The following CDC42BPB variants were observed in gnomAD, a reference collection of about 807,000 sequenced individuals.
CDC42BPB encodes serine/threonine-protein kinase MRCK beta.
CDC42BPB carries 37 observed loss-of-function variants against 214.9 expected under a neutral mutation model. The ratio of observed to expected loss-of-function variants is 0.17; its 90% CI spans 0.13 to 0.23. CDC42BPB has a LOEUF of 0.23. Among genes scored for constraint, CDC42BPB ranks in the 10% least tolerant of loss-of-function variants. The pLI is 1.00. For missense variants in CDC42BPB, 1,694 were observed against 2,227.0 expected, an observed-to-expected ratio of 0.76 and a Z score of 4.82; for synonymous variants, 931 against 884.0, an observed-to-expected ratio of 1.05 and a Z score of -0.94.
intron 5 of CDC42BPB, among the ~76,000 whole-genome samples, chr14:102,992,120 G>C (rs938564517): frequency 3.0e-4 from 46 of 152,298 alleles, no homozygotes; most frequent in African/African-American, 1.0e-3. Context: ...GATGAGGGGT[G>C]GTGACCCCTG....
intron 7 of CDC42BPB, 45 bp from the exon 8 acceptor site, chr14:102,981,066 A>G (rs1300144302): frequency 1.2e-6 from 2 of 1,612,592 alleles, no homozygotes; most frequent in African/African-American, 2.7e-5. Flanking sequence ...GGACGCATTC[A>G]GAGAGTTTAA....
Position 102,974,083 on chromosome 14 carries a change from G to A in CDC42BPB, c.1574C>T (p.Thr525Met), listed in dbSNP as rs761707317. ...CTTCTCCAGCCCCCGCAGCCGCTGC[G>A]TGGAGTCCTCACGCTCTTGGCGAAG... The part of the protein sequence containing the change: ...VALRQEREDS[T>M]QRLRGLEKQH... The change falls in exon 12 of 37, where the codon ACG becomes ATG. Residue 525 changes from threonine (T) to methionine (M), a missense_variant. By Grantham distance (81) the Thr-to-Met change is moderately conservative. Around this residue, in one of 7 missense-constraint regions of CDC42BPB, gnomAD observed 462 missense variants for 513.5 expected, o/e 0.90. Transcript: ENST00000361246. 29 of 1,613,934 alleles carry A rather than the reference G, an allele frequency of 1.8e-5. No individual in the cohort carries two copies. Among genetic ancestry groups the A allele is most frequent in the South Asian group, 5.5e-5 (5 of 91,058 alleles).
At chr14:103,000,946 C>T (rs1241361292) in intron 4 of CDC42BPB, among the ~76,000 whole-genome samples, 2 of 152,244 alleles carry the variant, frequency 1.3e-5, no homozygotes, top group Non-Finnish European at 2.9e-5. Context: ...CCATCACATT[C>T]AACCAGACTG....
At chr14:103,050,650 A>G (rs1179056475) in intron 1 of CDC42BPB, among the ~76,000 whole-genome samples, 1 of 152,136 alleles carries the variant, frequency 6.6e-6, no homozygotes, top group Non-Finnish European at 1.5e-5. Context: ...CCAGCTATTC[A>G]GGAGGCTGAG....
chr14:103,029,515 C>T (rs562255407), intron 1 of CDC42BPB, among the ~76,000 whole-genome samples: 1 of 150,046 alleles, frequency 6.7e-6, no homozygotes, highest in Non-Finnish European at 1.5e-5. Flanking sequence ...TGCACTTCAG[C>T]CTGGGCAACA....
In CDC42BPB at chr14:102,944,188, C is replaced by G; in HGVS notation, c.4111G>C (p.Val1371Leu). Residue 1371 changes from valine to leucine, a missense_variant, in exon 30 of 37, where the codon GTG becomes CTG. Physicochemically the swap from Val to Leu is conservative, Grantham distance 32 (BLOSUM62 1). Around this residue, in one of 7 missense-constraint regions of CDC42BPB, gnomAD observed 567 missense variants for 790.3 expected, o/e 0.72. Coordinates refer to ENST00000361246, the MANE Select transcript of CDC42BPB (RefSeq NM_006035.4). This position sits in a 1 kb window ranked among gnomAD's most constrained non-coding sequence, Gnocchi z 6.6. ...KPFHRKFNEI[V>L]APGSVQCLAV... The stretch of plus-strand genomic sequence containing the variant: ...AGGCACTGCACGCTGCCGGGAGCCA[C>G]AATCTCATTGAACTTTCTGTGGAAT... The G allele has an allele frequency of 6.2e-7, 1 of 1,613,370 alleles. No homozygotes were observed. The highest frequency in any genetic ancestry group is 8.5e-7 in the Non-Finnish European group (1 of 1,180,032).
At chr14:102,940,933 G>T (rs1891863741) in intron 30 of CDC42BPB, among the ~76,000 whole-genome samples, 1 of 152,270 alleles carries the variant, frequency 6.6e-6, no homozygotes, top group African/African-American at 2.4e-5. Context: ...GGAGCTCTGG[G>T]GTCCGCGCTG....
At chr14:103,009,211 C>T (rs534830251) in intron 2 of CDC42BPB, among the ~76,000 whole-genome samples, 7 of 152,328 alleles carry the variant, frequency 4.6e-5, no homozygotes, top group African/African-American at 1.7e-4. Flanking sequence ...CTGCAGCAGC[C>T]ATGGCCTGAA....
rs1329564373 is a variant in CDC42BPB at position 102,974,293 on chromosome 14, C to CACAG, written c.1508-145_1508-144insCTGT. 6 of 1,436,096 alleles carry CACAG rather than the reference C, an allele frequency of 4.2e-6. No individual in the cohort carries two copies. The African/African-American group carries it at 4.3e-5, about 10-fold the overall frequency. The allele number at this position is 1,436,096 out of a possible 1,614,324, so 89.0% of individuals were successfully genotyped here. A position where few individuals can be genotyped will look rare whatever the true frequency, so the allele number is the denominator to read the frequency against. On this transcript the variant is annotated intron_variant, in intron 11 of 36. Coordinates refer to ENST00000361246, the MANE Select transcript of CDC42BPB (RefSeq NM_006035.4). ...AGGTTTTTTTACTTACACACACACA[C>CACAG]ACACACACACACACACACACACACA...
At chr14:103,055,574 G>C (rs1473814327) in intron 1 of CDC42BPB, among the ~76,000 whole-genome samples, 1 of 152,222 alleles carries the variant, frequency 6.6e-6, no homozygotes, top group East Asian at 1.9e-4. Flanking sequence ...TTAATTTACT[G>C]ATACTATAAG....
intron 2 of CDC42BPB, among the ~76,000 whole-genome samples, chr14:103,010,342 C>A (rs1566901024): frequency 6.6e-6 from 1 of 152,106 alleles, no homozygotes; most frequent in Non-Finnish European, 1.5e-5. Flanking sequence ...TTGACTTTGG[C>A]TGGTGAGGCC....
intron 1 of CDC42BPB, among the ~76,000 whole-genome samples, chr14:103,050,500 C>T (rs1440721642): frequency 6.6e-6 from 1 of 152,220 alleles, no homozygotes; most frequent in Non-Finnish European, 1.5e-5. Context: ...GTGGCTCACA[C>T]TTATAATCCC....
chr14:102,988,885 A>AC (rs1280597298), intron 5 of CDC42BPB, among the ~76,000 whole-genome samples: 1 of 151,040 alleles, frequency 6.6e-6, no homozygotes, highest in Non-Finnish European at 1.5e-5. Flanking sequence ...AAAAAAAAAA[A>AC]AACAAACAAA....
intron 12 of CDC42BPB, 143 bp downstream of exon 12, chr14:102,973,873 G>A: frequency 1.8e-6 from 2 of 1,093,744 alleles, no homozygotes; most frequent in African/African-American, 1.6e-5. Context: ...CCCGGGGCCA[G>A]GCTTGGCCCT....
intron 9 of CDC42BPB, among the ~76,000 whole-genome samples, chr14:102,977,595 A>G (rs1893812367): frequency 6.6e-6 from 1 of 152,112 alleles, no homozygotes; most frequent in Non-Finnish European, 1.5e-5. Context: ...CACAACACAC[A>G]ATCCTTACAA....
At position 102,952,577 on chromosome 14, in the gene CDC42BPB, C is replaced by T; in HGVS notation, c.3093G>A (p.Lys1031=). The T allele has an allele frequency of 3.7e-6, 6 of 1,614,030 alleles. No individual in the cohort carries two copies. Among genetic ancestry groups the T allele is most frequent in the Non-Finnish European group, 5.1e-6 (6 of 1,179,958 alleles). The change falls in exon 24 of 37, where the codon AAG becomes AAA. Residue 1031 remains lysine (K), a synonymous_variant. Coordinates refer to ENST00000361246, the MANE Select transcript of CDC42BPB (RefSeq NM_006035.4). Reference sequence around the variant, plus strand: ...TGCACTGAGTAGGGCTGGAGAAGGACTTGATGCTGAACTGGTGAGCTTTTG... The same window carrying T: ...TGCACTGAGTAGGGCTGGAGAAGGATTTGATGCTGAACTGGTGAGCTTTTG... ...PKPKAHQFSI[K]SFSSPTQCSH...
At chr14:102,977,622 C>CT (rs1386554223) in intron 9 of CDC42BPB, among the ~76,000 whole-genome samples, 1 of 152,214 alleles carries the variant, frequency 6.6e-6, no homozygotes, top group Non-Finnish European at 1.5e-5. Context: ...GCAGAGTGCT[C>CT]TGATGGAAGC....
intron 5 of CDC42BPB, among the ~76,000 whole-genome samples, chr14:102,990,195 C>T (rs773884183): frequency 2.0e-5 from 3 of 152,160 alleles, no homozygotes; most frequent in Non-Finnish European, 4.4e-5. Context: ...ACCAATGAAT[C>T]CAACTGTATT....
intron 20 of CDC42BPB, 91 bp from the exon 21 acceptor site, chr14:102,959,801 C>A: frequency 8.4e-7 from 1 of 1,192,208 alleles, no homozygotes; most frequent in Non-Finnish European, 1.1e-6. Flanking sequence ...GATGTCAATT[C>A]TCCTTGAGTA....
Sources: gnomAD v4.1 joint callset for allele counts (sites outside exome capture counted in the v4.1 genomes callset) on GRCh38, gnomAD v4.1.1 for gene constraint, gnomAD v4.1.1 regional missense constraint, Gnocchi (gnomAD v3.1) non-coding constraint, MANE v1.5 for transcripts, NCBI Gene and HGNC (gene_info 2026-07-23, HGNC 2026-07-21) for gene names.